WWOX: variants seen among roughly 807,000 people sequenced by gnomAD.
WWOX encodes WW domain containing oxidoreductase.
Under a neutral mutation model 46.2 loss-of-function variants are expected in WWOX, and 69 were observed. The ratio of observed to expected loss-of-function variants is 1.49; its 90% confidence interval spans 1.23 to 1.82. The LOEUF (loss-of-function observed/expected upper bound fraction) is 1.82. Among genes scored for constraint, WWOX ranks in the 40% most tolerant of loss-of-function variants. WWOX has a pLI of 0.00. For synonymous variants in WWOX, 359 were observed against 202.6 expected, an observed-to-expected ratio of 1.77 and a Z score of -6.56; for missense variants, 919 against 542.6, an observed-to-expected ratio of 1.69 and a Z score of -6.89.
intron 8 of WWOX, among the ~76,000 whole-genome samples, chr16:78,986,961 G>T (rs1448309068): frequency 6.6e-6 from 1 of 152,084 alleles, no homozygotes; most frequent in Admixed American, 6.5e-5. Context: ...CCCACCAAGA[G>T]CATGGTCAGG....
chr16:78,346,180 ACCCATACTGCTGC>A (rs1173531528), intron 5 of WWOX, among the ~76,000 whole-genome samples: 2 of 121,100 alleles, frequency 1.7e-5, no homozygotes, highest in African/African-American at 2.8e-5. Flanking sequence ...CTTGGGATGT[ACCCATACTGCTGC>A]CTGTATCAGT....
chr16:78,633,459 G>C (rs2046489196), intron 8 of WWOX, among the ~76,000 whole-genome samples: 1 of 152,144 alleles, frequency 6.6e-6, no homozygotes. Context: ...TGTACCGTAT[G>C]ACTTTAAAAC....
intron 8 of WWOX, among the ~76,000 whole-genome samples, chr16:78,768,905 C>T (rs1044457514): frequency 4.6e-5 from 7 of 152,136 alleles, no homozygotes; most frequent in African/African-American, 1.2e-4. Context: ...AGGAAGCTGA[C>T]GCTGCGCCAT....
chr16:78,392,276 A>T (rs2082192595), intron 6 of WWOX, among the ~76,000 whole-genome samples: 1 of 152,064 alleles, frequency 6.6e-6, no homozygotes, highest in Non-Finnish European at 1.5e-5. Context: ...CCCTATTGTG[A>T]GCCACACATG....
chr16:78,821,939 G>T (rs918646046), intron 8 of WWOX, among the ~76,000 whole-genome samples: 1 of 152,086 alleles, frequency 6.6e-6, no homozygotes, highest in Non-Finnish European at 1.5e-5. Flanking sequence ...GAGTGCTGTG[G>T]CATCTTAGCT....
At chr16:78,649,226 C>G (rs2046911329) in intron 8 of WWOX, among the ~76,000 whole-genome samples, 1 of 152,150 alleles carries the variant, frequency 6.6e-6, no homozygotes, top group Non-Finnish European at 1.5e-5. Flanking sequence ...CTCAAATGAT[C>G]CAACCGCCTC....
rs1230337512 is a variant in WWOX at position 78,432,567 on chromosome 16, C to G, written c.871C>G (p.Leu291Val). ...AACAAAAAACGACTATTGGGCGATG[C>G]TGGCTTATAACAGGTCCAAGCTCTG... ...SPTKNDYWAM[L>V]AYNRSKLCNI... The change falls in exon 8 of 9, where the codon CTG (leucine) becomes GTG (valine). Residue 291 changes from leucine (L) to valine (V), a missense_variant. Transcript: ENST00000566780. 3 of 1,614,212 alleles carry G rather than the reference C, an allele frequency of 1.9e-6. No homozygotes were observed. The highest frequency in any genetic ancestry group is 2.2e-5 in the South Asian group (2 of 91,078).
chr16:78,190,411 C>G (rs1207779500), intron 5 of WWOX, among the ~76,000 whole-genome samples: 2 of 152,124 alleles, frequency 1.3e-5, no homozygotes, highest in South Asian at 2.1e-4. Flanking sequence ...TGTGCTGGAG[C>G]AAGTTTTGGC....
At chr16:78,352,576 C>A (rs915686225) in intron 5 of WWOX, among the ~76,000 whole-genome samples, 2 of 152,270 alleles carry the variant, frequency 1.3e-5, no homozygotes, top group African/African-American at 4.8e-5. Context: ...TTTAAGGAAC[C>A]TTGTAACTTC....
intron 8 of WWOX, among the ~76,000 whole-genome samples, chr16:78,575,047 ATATATATAT>A (rs2044833142): frequency 2.3e-4 from 2 of 8,726 alleles, no homozygotes; most frequent in African/African-American, 7.6e-4. Flanking sequence ...ATATATATAT[ATATATATAT>A]ATATATATAT....
At chr16:78,895,894 T>A (rs931952249) in intron 8 of WWOX, 2 of 152,220 alleles carry the variant, frequency 1.3e-5, no homozygotes, top group Admixed American at 1.3e-4. Flanking sequence ...AGTCATTCTT[T>A]CGTATTACTC....
chr16:79,140,019 C>T (rs74038104), intron 8 of WWOX, among the ~76,000 whole-genome samples: 4,162 of 152,268 alleles, frequency 0.027, 204 homozygotes, highest in African/African-American at 0.096. Flanking sequence ...AGCTTTGCTG[C>T]GCTGTCAGCA....
chr16:78,486,574 T>C (rs1370822410), intron 8 of WWOX, among the ~76,000 whole-genome samples: 2 of 150,982 alleles, frequency 1.3e-5, no homozygotes, highest in Non-Finnish European at 2.9e-5. Flanking sequence ...TGTTTTGTTT[T>C]GTTTTGTTTT....
intron 5 of WWOX, among the ~76,000 whole-genome samples, chr16:78,347,718 A>G (rs761135035): frequency 1.6e-5 from 2 of 122,706 alleles, no homozygotes; most frequent in Middle Eastern, 3.9e-3. Flanking sequence ...AAAATAATTC[A>G]TATCACTCAC....
At chr16:78,545,556 T>C (rs2044008830) in intron 8 of WWOX, among the ~76,000 whole-genome samples, 1 of 152,064 alleles carries the variant, frequency 6.6e-6, no homozygotes, top group Non-Finnish European at 1.5e-5. Context: ...TTTATTTCCT[T>C]CAGATAAAAT....
At chr16:78,435,661 T>G (rs1421968341) in intron 8 of WWOX, among the ~76,000 whole-genome samples, 1 of 152,108 alleles carries the variant, frequency 6.6e-6, no homozygotes, top group African/African-American at 2.4e-5. Flanking sequence ...AGATGGGATT[T>G]GACATGACTT....
rs569955034 is a variant in WWOX, at chr16:79,071,164, A to G, written c.1057-140444A>G. Among the ~76,000 whole-genome samples the G allele has an allele frequency of 2.0e-4, 31 of 152,336 alleles. No individual in the cohort carries two copies. In the East Asian group the frequency reaches 3.1e-3, roughly 15 times the overall value. Reference sequence around the variant, plus strand: ...CTAGCAGTTTTTAATCAAATGTATGATCACTTTCTTCTGATGAACACAGTT... The same window carrying G: ...CTAGCAGTTTTTAATCAAATGTATGGTCACTTTCTTCTGATGAACACAGTT... On this transcript the variant is annotated intron_variant, in intron 8 of 8. Coordinates refer to ENST00000566780, the MANE Select transcript of WWOX (RefSeq NM_016373.4).
chr16:79,182,920 C>G (rs2050941095), intron 8 of WWOX, among the ~76,000 whole-genome samples: 1 of 152,166 alleles, frequency 6.6e-6, no homozygotes, highest in African/African-American at 2.4e-5. Flanking sequence ...TGAGCATCCT[C>G]AGAAAGTAGG....
rs573629159 is a variant in WWOX at position 79,106,778 on chromosome 16, C to T, written c.1057-104830C>T. The T allele has an allele frequency of 3.4e-5, 5 of 149,072 alleles. No individual in the cohort carries two copies. In the East Asian group the frequency reaches 9.8e-4, roughly 29 times the overall value. 9.2% of individuals were successfully genotyped at this position (149,072 alleles called of 1,614,324 possible). On this transcript the variant is annotated intron_variant, in intron 8 of 8. Transcript: ENST00000566780. ...GACTACAGGTTGTGTGCCACCATAC[C>T]CAGATAATTTTTTTTTAACTTTTTT...
Sources: gnomAD v4.1 joint callset for allele counts (sites outside exome capture counted in the v4.1 genomes callset) on GRCh38, gnomAD v4.1.1 for gene constraint, MANE v1.5 for transcripts, NCBI Gene and HGNC (gene_info 2026-07-23, HGNC 2026-07-21) for gene names.